DMD: variants seen among roughly 807,000 people sequenced by gnomAD.
DMD encodes dystrophin, also known as mutant dystrophin.
DMD carries 63 observed loss-of-function variants against 330.1 expected under a neutral mutation model. The ratio of observed to expected loss-of-function variants is 0.19; its 90% confidence interval spans 0.16 to 0.24. The LOEUF is 0.24. Ranked by LOEUF, DMD falls within the 10% of genes least tolerant of loss-of-function variation. The pLI is 1.00. For missense variants in DMD, 3,344 were observed against 2,684.1 expected (o/e 1.25, Z -5.43); for synonymous variants, 1,223 against 959.8 (o/e 1.27, Z -5.07).
chrX:31,497,230 C>G (rs777478826), intron 56 of DMD, among the ~76,000 whole-genome samples: 1 of 111,886 alleles, frequency 8.9e-6, no homozygotes, highest in Non-Finnish European at 1.9e-5. Context: ...TTGTAGTCAA[C>G]AATTCTTAAT....
intron 29 of DMD, among the ~76,000 whole-genome samples, chrX:32,421,660 A>G (rs774543513): frequency 1.5e-4 from 17 of 111,883 alleles, no homozygotes; most frequent in Non-Finnish European, 2.8e-4. Context: ...AACTGGTTCC[A>G]AACTTCCTCT....
At chrX:31,926,814 G>A (rs1401625726) in intron 47 of DMD, among the ~76,000 whole-genome samples, 1 of 111,909 alleles carries the variant, frequency 8.9e-6, no homozygotes, top group Non-Finnish European at 1.9e-5. Context: ...GATATGTTTG[G>A]AGATACTATG....
intron 1 of DMD, among the ~76,000 whole-genome samples, chrX:33,186,010 A>T (rs2050243397): frequency 8.9e-6 from 1 of 111,857 alleles, no homozygotes; most frequent in African/African-American, 3.2e-5. Flanking sequence ...CCTCAGTTTT[A>T]TGACTAAAGA....
intron 9 of DMD, among the ~76,000 whole-genome samples, chrX:32,686,578 A>AAAAAAAAAAAAAAAAAAAAAG (rs1556919375): frequency 1.9e-5 from 2 of 105,640 alleles, no homozygotes; most frequent in Non-Finnish European, 3.9e-5. Context: ...AAAAAAAAAA[A>AAAAAAAAAAAAAAAAAAAAAG]AAAAGAAAAG....
intron 55 of DMD, among the ~76,000 whole-genome samples, chrX:31,517,880 C>T (rs2072375892): frequency 9.2e-6 from 1 of 108,461 alleles, no homozygotes; most frequent in Non-Finnish European, 1.9e-5. Context: ...AGTTCTATTT[C>T]TCAAGGAGTA....
Position 33,230,167 on chromosome X carries a change from A to T in DMD, c.7+109092T>A, listed in dbSNP as rs1013905791. ...TGAAATAATTTTAAGTAATAAGATT[A>T]TAATTGTTTATAGAGGGATTGATAG... is the stretch of plus-strand genomic sequence containing the variant. On this transcript the variant is annotated intron_variant, in intron 1 of 17. Coordinates refer to the DMD transcript ENST00000288447. 2.7e-5 allele frequency among the ~76,000 whole-genome samples: 3 copies of T among 112,420 alleles called. No individual in the cohort carries two copies. The East Asian group carries it at 8.4e-4, about 31-fold the overall frequency.
rs1230401297 is a variant in DMD, at chrX:32,782,989, G to A, written c.649+26504C>T. ...ACACACATATATATACCTATATGGT[G>A]TGTGTATATATACACACACACGTAT... On this transcript the variant is annotated intron_variant, in intron 7 of 78. Transcript: ENST00000357033. 2.9e-5 allele frequency among the ~76,000 whole-genome samples: 3 copies of A among 102,780 alleles called. No individual in the cohort carries two copies. In the Admixed American group the frequency reaches 3.2e-4, roughly 11 times the overall value. 89.3% of individuals were successfully genotyped at this position (102,780 alleles called of 115,157 possible).
At chrX:31,374,823 A>AAAAT (rs749126843) in intron 60 of DMD, among the ~76,000 whole-genome samples, 20 of 110,896 alleles carry the variant, frequency 1.8e-4, no homozygotes, top group South Asian at 3.8e-4. Context: ...AAAGTATAAT[A>AAAAT]AAATAAATAA....
chrX:32,497,889 T>A (rs1333072009), intron 19 of DMD, among the ~76,000 whole-genome samples: 1 of 111,828 alleles, frequency 8.9e-6, no homozygotes, highest in Non-Finnish European at 1.9e-5. Flanking sequence ...AGAAAACCAT[T>A]ATTAGTTAGC....
intron 2 of DMD, among the ~76,000 whole-genome samples, chrX:32,891,570 G>A (rs1253516328): frequency 5.4e-5 from 6 of 111,780 alleles, no homozygotes; most frequent in Non-Finnish European, 9.4e-5. Context: ...TAGGACAAAT[G>A]AGAAAAATCA....
intron 43 of DMD, among the ~76,000 whole-genome samples, chrX:32,238,850 A>C (rs1206648044): frequency 9.1e-6 from 1 of 110,088 alleles, no homozygotes; most frequent in Non-Finnish European, 1.9e-5. Flanking sequence ...GTAGATTTTT[A>C]GCTCATTTGC....
At position 32,152,158 on chromosome X, in the gene DMD, G is replaced by T. The variant is rs1329435963; in HGVS notation, c.6438+64758C>A. Among the ~76,000 whole-genome samples, 3 of 111,665 alleles carry T rather than the reference G, an allele frequency of 2.7e-5. No individual in the cohort carries two copies. In the East Asian group the frequency reaches 8.4e-4, roughly 31 times the overall value. On this transcript the variant is annotated intron_variant, in intron 44 of 78. Coordinates refer to ENST00000357033, the MANE Select transcript of DMD (RefSeq NM_004006.3). ...AGGATAACTTCCTCTATAATTTCAG[G>T]TTTTCTTCAGGATGCATACCACATA...
intron 63 of DMD, among the ~76,000 whole-genome samples, chrX:31,249,476 C>T (rs1163489173): frequency 9.0e-6 from 1 of 111,644 alleles, no homozygotes; most frequent in Non-Finnish European, 1.9e-5. Flanking sequence ...AACTCCTGAC[C>T]TCAGGTGATC....
At chrX:32,671,964 T>C (rs2061662965) in intron 9 of DMD, among the ~76,000 whole-genome samples, 1 of 111,653 alleles carries the variant, frequency 9.0e-6, no homozygotes, top group Admixed American at 9.5e-5. Context: ...AAGGTCTTTA[T>C]ATGATAAAAT....
chrX:32,130,891 A>G (rs1382790293), intron 44 of DMD, among the ~76,000 whole-genome samples: 1 of 112,063 alleles, frequency 8.9e-6, no homozygotes, highest in Admixed American at 9.5e-5. Flanking sequence ...AAAAATTGTT[A>G]TTACTTTTTA....
At chrX:31,185,144 C>A (rs1413615825) in intron 67 of DMD, among the ~76,000 whole-genome samples, 1 of 111,024 alleles carries the variant, frequency 9.0e-6, no homozygotes, top group East Asian at 2.8e-4. Flanking sequence ...TAAAGATAAT[C>A]TATCTGTTTT....
intron 16 of DMD, among the ~76,000 whole-genome samples, chrX:32,549,213 T>C (rs745486331): frequency 1.1e-3 from 124 of 111,780 alleles, no homozygotes; most frequent in South Asian, 4.5e-3. Context: ...ACCAGATCCA[T>C]AGTTTATACA....
chrX:31,851,974 T>C (rs1340076315), intron 48 of DMD, among the ~76,000 whole-genome samples: 1 of 110,024 alleles, frequency 9.1e-6, no homozygotes, highest in Non-Finnish European at 1.9e-5. Context: ...GCAAAGGCCC[T>C]GGGGCAGGAG....
intron 54 of DMD, among the ~76,000 whole-genome samples, chrX:31,632,002 C>A (rs1027171137): frequency 9.0e-6 from 1 of 111,613 alleles, no homozygotes; most frequent in African/African-American, 3.3e-5. Context: ...CCAGAGACAA[C>A]TGCACATGAA....
Sources: allele counts gnomAD v4.1 joint callset (sites outside exome capture counted in the v4.1 genomes callset), GRCh38; gene constraint gnomAD v4.1.1; transcripts MANE v1.5; gene names NCBI Gene and HGNC (gene_info 2026-07-23, HGNC 2026-07-21).